CRADD: variants seen among roughly 807,000 people sequenced by gnomAD.
CRADD encodes the protein death domain-containing protein CRADD.
Under a neutral mutation model 15.5 loss-of-function variants are expected in CRADD, and 9 were observed. The observed-to-expected ratio is 0.58, with a 90% CI of 0.35 to 1.01. The LOEUF (loss-of-function observed/expected upper bound fraction) is 1.01, where lower values mean the gene tolerates loss of function less well. CRADD is among the 50% of genes least tolerant of loss of function. The probability of loss-of-function intolerance (pLI) is 0.02; values close to 1 mark genes in which losing one functional copy is unlikely to be tolerated. For missense variants in CRADD, 227 were observed against 250.3 expected (o/e 0.91, Z 0.63); for synonymous variants, 118 against 107.6 (o/e 1.10, Z -0.60).
At chr12:93,776,471 C>T (rs553980016) in intron 2 of CRADD, among the ~76,000 whole-genome samples, 6 of 152,190 alleles carry the variant, frequency 3.9e-5, no homozygotes, top group African/African-American at 9.6e-5. Flanking sequence ...TCATTGTATC[C>T]GCAGGGTATG....
chr12:93,825,124 G>A (rs76975379), intron 2 of CRADD, among the ~76,000 whole-genome samples: 2,858 of 152,234 alleles, frequency 0.019, 29 homozygotes, highest in Middle Eastern at 0.037. Flanking sequence ...TTTTCTTCCC[G>A]CGTTGGTTCT....
chr12:93,850,016 A>G lies in CRADD; in HGVS notation c.345A>G (p.Pro115=), dbSNP rs768731677. 3.7e-6 allele frequency: 6 copies of G among 1,612,024 alleles called. No individual in the cohort carries two copies. The highest frequency in any genetic ancestry group is 1.7e-5 in the Admixed American group (1 of 60,020). The part of the protein sequence containing the change: ...GIPSHILNSS[P]SDRQINQLAQ... ...CCTCGCACATCCTCAACAGCTCCCC[A>G]TCAGACCGGCAGATTAACCAGCTGG... Residue 115 remains proline (P), a synonymous_variant, in exon 3 of 3, where the codon CCA becomes CCG. Coordinates refer to ENST00000332896, the MANE Select transcript of CRADD (RefSeq NM_003805.5). The surrounding 1 kb of genome is among the most constrained non-coding windows in gnomAD (Gnocchi z 4.0).
chr12:93,689,695 G>A (rs1165422921), intron 2 of CRADD, among the ~76,000 whole-genome samples: 4 of 152,104 alleles, frequency 2.6e-5, no homozygotes, highest in African/African-American at 4.8e-5. Context: ...AAATAATACC[G>A]CCGAGATGTA....
Position 93,812,522 on chromosome 12 carries a change from CAAAA to C in CRADD, c.299-37436_299-37433del, listed in dbSNP as rs34615107. Among the ~76,000 whole-genome samples, 8 of 124,460 alleles carry C rather than the reference CAAAA, an allele frequency of 6.4e-5. No individual in the cohort carries two copies. The South Asian group carries it at 1.3e-3, about 20-fold the overall frequency. 81.7% of individuals were successfully genotyped at this position (124,460 alleles called of 152,430 possible). Reference sequence around the variant, plus strand: ...AAACCCCATCTCTACTAAAAAAATACAAAAAAAAAAAAAAATTGTATTCTAAGTT... The same window carrying C: ...AAACCCCATCTCTACTAAAAAAATACAAAAAAAAAAATTGTATTCTAAGTT... On this transcript the variant is annotated intron_variant, in intron 2 of 2. Coordinates refer to ENST00000332896, the MANE Select transcript of CRADD (RefSeq NM_003805.5).
chr12:93,840,726 C>CCAG, intron 2 of CRADD, among the ~76,000 whole-genome samples: 2 of 152,124 alleles, frequency 1.3e-5, no homozygotes, highest in African/African-American at 4.8e-5. Flanking sequence ...GCCACCACGC[C>CCAG]TGGCTAATTT....
chr12:93,734,850 A>G (rs1041088581), intron 2 of CRADD, among the ~76,000 whole-genome samples: 1 of 151,926 alleles, frequency 6.6e-6, no homozygotes, highest in Non-Finnish European at 1.5e-5. Context: ...ATCTTCACCA[A>G]GCTAATCCCA....
chr12:93,719,644 TG>T (rs1172825696), intron 2 of CRADD, among the ~76,000 whole-genome samples: 1 of 152,184 alleles, frequency 6.6e-6, no homozygotes, highest in African/African-American at 2.4e-5. Context: ...CAACTTAGAT[TG>T]TTTATTTTTG....
intron 2 of CRADD, among the ~76,000 whole-genome samples, chr12:93,786,649 G>T (rs914960410): frequency 1.3e-5 from 2 of 152,114 alleles, no homozygotes; most frequent in African/African-American, 4.8e-5. Context: ...CATTCAGAGG[G>T]ATAAGTTTTC....
intron 2 of CRADD, among the ~76,000 whole-genome samples, chr12:93,759,662 A>G (rs1232228445): frequency 2.0e-5 from 3 of 152,162 alleles, no homozygotes; most frequent in Non-Finnish European, 4.4e-5. Flanking sequence ...CAAGAAAGAA[A>G]CTTGTTAACC....
intron 2 of CRADD, among the ~76,000 whole-genome samples, chr12:93,826,275 G>A (rs1238455750): frequency 6.6e-6 from 1 of 152,212 alleles, no homozygotes; most frequent in Non-Finnish European, 1.5e-5. Flanking sequence ...TGAAACTTGG[G>A]TTAAATCCCA....
At chr12:93,810,241 G>A (rs181615304) in intron 2 of CRADD, among the ~76,000 whole-genome samples, 6 of 152,114 alleles carry the variant, frequency 3.9e-5, no homozygotes, top group South Asian at 2.1e-4. Context: ...AGAAAGAACC[G>A]ATGTGCCTTA....
At chr12:93,795,386 G>C (rs753602830) in intron 2 of CRADD, among the ~76,000 whole-genome samples, 1 of 152,152 alleles carries the variant, frequency 6.6e-6, no homozygotes. Flanking sequence ...ATAGGTTAAA[G>C]AAGTACTGCA....
At chr12:93,729,575 T>A (rs996369840) in intron 2 of CRADD, among the ~76,000 whole-genome samples, 1 of 151,748 alleles carries the variant, frequency 6.6e-6, no homozygotes, top group Admixed American at 6.6e-5. Flanking sequence ...TCACCTGAGG[T>A]TGGAGTTTGA....
At chr12:93,712,075 C>T (rs140637492) in intron 2 of CRADD, among the ~76,000 whole-genome samples, 2 of 152,100 alleles carry the variant, frequency 1.3e-5, no homozygotes, top group Non-Finnish European at 2.9e-5. Context: ...CTTAACAGTG[C>T]ACTAGACACT....
chr12:93,866,911 A>G (rs75663171), intron 2 of CRADD, among the ~76,000 whole-genome samples: 1,536 of 152,302 alleles, frequency 0.01, 33 homozygotes, highest in African/African-American at 0.035. Flanking sequence ...GCTGCCTTCA[A>G]CTGTGCCATG....
At chr12:93,888,287 T>C (rs1267730166) in intron 2 of CRADD, among the ~76,000 whole-genome samples, 1 of 151,322 alleles carries the variant, frequency 6.6e-6, no homozygotes, top group African/African-American at 2.4e-5. Flanking sequence ...TTAGCGGGCA[T>C]GGTGGTGGGC....
chr12:93,806,468 A>G (rs935524529), intron 2 of CRADD, among the ~76,000 whole-genome samples: 6 of 148,734 alleles, frequency 4.0e-5, no homozygotes, highest in Admixed American at 2.0e-4. Flanking sequence ...AAAAAAAAAA[A>G]AAAACAAAAA....
intron 2 of CRADD, among the ~76,000 whole-genome samples, chr12:93,775,973 CAA>C (rs1252647117): frequency 7.2e-5 from 11 of 152,118 alleles, no homozygotes; most frequent in African/African-American, 2.7e-4. Flanking sequence ...AGATAAAATG[CAA>C]AGTGATTTTC....
At chr12:93,791,876 A>G (rs1314969263) in intron 2 of CRADD, among the ~76,000 whole-genome samples, 2 of 149,344 alleles carry the variant, frequency 1.3e-5, no homozygotes, top group Admixed American at 6.9e-5. Flanking sequence ...GGAAGAAAAC[A>G]TGCAAATAGT....
Sources: gnomAD v4.1 joint callset for allele counts (sites outside exome capture counted in the v4.1 genomes callset) on GRCh38, gnomAD v4.1.1 for gene constraint, Gnocchi (gnomAD v3.1) non-coding constraint, MANE v1.5 for transcripts, NCBI Gene and HGNC (gene_info 2026-07-23, HGNC 2026-07-21) for gene names.